MAPKAP1: variants seen among roughly 807,000 people sequenced by gnomAD.
MAPKAP1 encodes the protein MAPK associated protein 1.
Under a neutral mutation model 65.7 loss-of-function variants are expected in MAPKAP1, and 20 were observed. That is an observed-to-expected ratio of 0.30 (90% CI 0.21 to 0.44). The LOEUF (loss-of-function observed/expected upper bound fraction) is 0.44. Ranked by LOEUF, MAPKAP1 falls within the 20% of genes least tolerant of loss-of-function variation. MAPKAP1 has a pLI of 1.00. For synonymous variants in MAPKAP1, 222 were observed against 244.3 expected, an observed-to-expected ratio of 0.91 and a Z score of 0.85; for missense variants, 423 against 648.0, an observed-to-expected ratio of 0.65 and a Z score of 3.77.
At position 125,452,878 on chromosome 9, in the gene MAPKAP1, C is replaced by T. The variant is rs142991276; in HGVS notation, c.1346-8280G>A. Reference sequence around the variant, plus strand: ...CTGTACTCCAGCGTGGGTAACACAGCGGGACTCTGTCTCAAAAACAAACAA... The same window carrying T: ...CTGTACTCCAGCGTGGGTAACACAGTGGGACTCTGTCTCAAAAACAAACAA... On this transcript the variant is annotated intron_variant, in intron 10 of 11. Coordinates refer to ENST00000265960, the MANE Select transcript of MAPKAP1 (RefSeq NM_001006617.3). Among the ~76,000 whole-genome samples the T allele has an allele frequency of 6.0e-3, 910 of 151,598 alleles. 7 individuals carry two copies. The highest frequency in any genetic ancestry group is 0.018 in the African/African-American group (763 of 41,304).
chr9:125,665,820 A>T (rs1452096977), intron 3 of MAPKAP1, among the ~76,000 whole-genome samples: 1 of 152,186 alleles, frequency 6.6e-6, no homozygotes, highest in Non-Finnish European at 1.5e-5. Flanking sequence ...CCAATAATAG[A>T]AGTTACACAA....
At chr9:125,562,982 C>A (rs1164603034) in intron 5 of MAPKAP1, among the ~76,000 whole-genome samples, 1 of 152,140 alleles carries the variant, frequency 6.6e-6, no homozygotes, top group East Asian at 1.9e-4. Context: ...GGAAATATGA[C>A]ACACTTTGAT....
chr9:125,698,584 C>T (rs1271477707), intron 1 of MAPKAP1, among the ~76,000 whole-genome samples: 9 of 151,708 alleles, frequency 5.9e-5, no homozygotes, highest in African/African-American at 9.7e-5. Flanking sequence ...TCAGGTGATC[C>T]ACCTGCCTCA....
chr9:125,687,141 T>C (rs951093823), intron 1 of MAPKAP1, among the ~76,000 whole-genome samples: 1 of 151,712 alleles, frequency 6.6e-6, no homozygotes, highest in African/African-American at 2.4e-5. Context: ...TTTTTTTTTT[T>C]TAATGCTAGT....
intron 4 of MAPKAP1, among the ~76,000 whole-genome samples, chr9:125,628,328 G>T (rs1833174423): frequency 2.0e-5 from 3 of 152,128 alleles, no homozygotes; most frequent in Admixed American, 2.0e-4. Context: ...GTGACAAGGT[G>T]GGAAAAGGGG....
chr9:125,646,629 C>T (rs1440168299), intron 4 of MAPKAP1, among the ~76,000 whole-genome samples: 2 of 151,936 alleles, frequency 1.3e-5, no homozygotes, highest in Non-Finnish European at 2.9e-5. Flanking sequence ...ACAATAACAT[C>T]ATTTAAAAAG....
intron 7 of MAPKAP1, among the ~76,000 whole-genome samples, chr9:125,536,585 T>TATTCATTCATTCATTC (rs6151178): frequency 0.046 from 6,958 of 151,706 alleles, 249 homozygotes; most frequent in East Asian, 0.12. Flanking sequence ...ATTTTCCATT[T>TATTCATTCATTCATTC]ATTCATTCAT....
At chr9:125,686,225 C>A (rs565081890) in intron 1 of MAPKAP1, among the ~76,000 whole-genome samples, 1 of 149,758 alleles carries the variant, frequency 6.7e-6, no homozygotes, top group South Asian at 2.1e-4. Context: ...GGCGGGAGAA[C>A]GGCATGAACC....
chr9:125,490,496 G>A (rs147909600), intron 8 of MAPKAP1, among the ~76,000 whole-genome samples: 1,768 of 152,084 alleles, frequency 0.012, 39 homozygotes, highest in African/African-American at 0.039. Flanking sequence ...CCAAGATTGC[G>A]CCACTGCACT....
At chr9:125,463,504 A>G (rs1410796838) in intron 10 of MAPKAP1, among the ~76,000 whole-genome samples, 5 of 152,250 alleles carry the variant, frequency 3.3e-5, no homozygotes, top group Non-Finnish European at 7.3e-5. Context: ...TAGGTCACCA[A>G]TAAGCCCAGC....
rs150103575 is a variant in MAPKAP1 at position 125,675,869 on chromosome 9, T to G, written c.-69-3226A>C. On this transcript the variant is annotated intron_variant, in intron 1 of 11. Transcript: ENST00000265960. ...TAAATAAAGGATTGTCTTTTTTTCGTAATACAAGAGCATCTCTTCAACGTG... is the reference window on the plus strand; with the variant it reads ...TAAATAAAGGATTGTCTTTTTTTCGGAATACAAGAGCATCTCTTCAACGTG... Among the ~76,000 whole-genome samples, 157 of 152,328 alleles carry G rather than the reference T, an allele frequency of 1.0e-3. 1 individual carries two copies. The highest frequency in any genetic ancestry group is 3.4e-3 in the Middle Eastern group (1 of 294).
intron 1 of MAPKAP1, among the ~76,000 whole-genome samples, chr9:125,679,453 A>G (rs1035329649): frequency 1.1e-4 from 16 of 152,212 alleles, no homozygotes; most frequent in Non-Finnish European, 2.4e-4. Flanking sequence ...CAGTGCTTGT[A>G]CAACAGCAAG....
At chr9:125,530,603 C>T (rs550718533) in intron 7 of MAPKAP1, among the ~76,000 whole-genome samples, 59 of 152,284 alleles carry the variant, frequency 3.9e-4, no homozygotes, top group African/African-American at 1.4e-3. Flanking sequence ...TAATCCATCC[C>T]TATAGATATA....
At chr9:125,575,287 A>G (rs1040847051) in intron 5 of MAPKAP1, among the ~76,000 whole-genome samples, 10 of 152,232 alleles carry the variant, frequency 6.6e-5, no homozygotes, top group African/African-American at 2.4e-4. Flanking sequence ...ACTTGAGCCC[A>G]GGAGTTCAAG....
intron 7 of MAPKAP1, among the ~76,000 whole-genome samples, chr9:125,524,547 C>T (rs1024642719): frequency 6.6e-6 from 1 of 152,204 alleles, no homozygotes; most frequent in Non-Finnish European, 1.5e-5. Context: ...TACAACCGAA[C>T]ATGTTGCTTC....
chr9:125,636,595 C>A (rs1833431716), intron 4 of MAPKAP1, among the ~76,000 whole-genome samples: 1 of 152,198 alleles, frequency 6.6e-6, no homozygotes, highest in South Asian at 2.1e-4. Flanking sequence ...GAACACAGGG[C>A]AGGTGCATCC....
intron 1 of MAPKAP1, among the ~76,000 whole-genome samples, chr9:125,694,106 A>G (rs1433376602): frequency 1.3e-5 from 2 of 152,032 alleles, no homozygotes; most frequent in African/African-American, 4.8e-5. Context: ...AGGCAGGTAG[A>G]TCACCTGAGG....
intron 4 of MAPKAP1, among the ~76,000 whole-genome samples, chr9:125,622,404 A>AC (rs1832931862): frequency 6.6e-6 from 1 of 151,954 alleles, no homozygotes; most frequent in African/African-American, 2.4e-5. Flanking sequence ...ATCACTATGT[A>AC]CCCCCATAAA....
At chr9:125,446,427 T>C (rs1017012438) in intron 10 of MAPKAP1, among the ~76,000 whole-genome samples, 7 of 152,182 alleles carry the variant, frequency 4.6e-5, no homozygotes, top group Non-Finnish European at 5.9e-5. Context: ...ATAAATTCTG[T>C]GTTTCTAATA....
Sources: gnomAD v4.1 joint callset for allele counts (sites outside exome capture counted in the v4.1 genomes callset) on GRCh38, gnomAD v4.1.1 for gene constraint, MANE v1.5 for transcripts, NCBI Gene and HGNC (gene_info 2026-07-23, HGNC 2026-07-21) for gene names.